Variants in ARHGEF18 observed in about 807,000 individuals in gnomAD.
The protein encoded by ARHGEF18 is rho guanine nucleotide exchange factor 18.
ARHGEF18 carries 93 observed loss-of-function variants against 155.7 expected under a neutral mutation model. The observed-to-expected ratio is 0.60, with a 90% CI of 0.50 to 0.71. The LOEUF (loss-of-function observed/expected upper bound fraction) is 0.71, where lower values mean the gene tolerates loss of function less well. Ranked by LOEUF, ARHGEF18 falls within the 30% of genes least tolerant of loss-of-function variation. ARHGEF18 has a pLI of 0.00. For synonymous variants in ARHGEF18, 742 were observed against 753.1 expected (o/e 0.99, Z 0.24); for missense variants, 1,593 against 1,816.1 (o/e 0.88, Z 2.23).
Position 7,467,356 on chromosome 19 carries a change from A to T in ARHGEF18, c.3152A>T (p.Glu1051Val). The part of the protein sequence containing the change: ...ERQRNFEKQR[E>V]ERAALEKLQS... ...CAACGCAACTTCGAGAAGCAGCGGG[A>T]GGAGCGCGCGGCCCTGGAGAAGCTG... The change falls in exon 26 of 29, where the codon GAG (glutamate) becomes GTG (valine). Residue 1051 changes from glutamate to valine, a missense_variant. Transcript: ENST00000668164. The T allele has an allele frequency of 2.0e-6, 3 of 1,535,858 alleles. No homozygotes were observed. The highest frequency in any genetic ancestry group is 2.6e-6 in the Non-Finnish European group (3 of 1,146,496).
At chr19:7,422,986 T>C (rs1600387945) in intron 10 of ARHGEF18, among the ~76,000 whole-genome samples, 1 of 152,184 alleles carries the variant, frequency 6.6e-6, no homozygotes, top group Admixed American at 6.5e-5. Context: ...CCCAAAGTGC[T>C]GGGATTACAG....
At chr19:7,479,889 G>A in the ARHGEF18 span, among the ~76,000 whole-genome samples, 12 of 152,256 alleles carry the variant, frequency 7.9e-5, no homozygotes, top group African/African-American at 1.9e-4. Flanking sequence ...GCCAGTAGTC[G>A]GGGAGGCTGT....
intron 16 of ARHGEF18, 90 bp downstream of exon 16, chr19:7,451,356 G>T: frequency 1.9e-6 from 2 of 1,040,928 alleles, no homozygotes; most frequent in Non-Finnish European, 2.8e-6. Flanking sequence ...GCAGCAAACT[G>T]AATAAATTCC....
chr19:7,372,339 GT>G (rs1325377184), intron 2 of ARHGEF18, among the ~76,000 whole-genome samples: 3 of 152,106 alleles, frequency 2.0e-5, no homozygotes, highest in Non-Finnish European at 4.4e-5. Context: ...GGGAGAGGAG[GT>G]TTTGCAAGAA....
intron 10 of ARHGEF18, among the ~76,000 whole-genome samples, chr19:7,409,290 A>T: frequency 7.4e-6 from 1 of 134,816 alleles, no homozygotes; most frequent in Admixed American, 8.3e-5. Flanking sequence ...TGATCTCCTG[A>T]CCTTGTGATC....
chr19:7,459,648 G>A (rs762011983), intron 19 of ARHGEF18, among the ~76,000 whole-genome samples: 1 of 152,224 alleles, frequency 6.6e-6, no homozygotes, highest in Non-Finnish European at 1.5e-5. Flanking sequence ...CTGCAAGCCC[G>A]CTGTCCCCTG....
rs868770840 is a variant in ARHGEF18 at position 7,369,354 on chromosome 19, G to A, written c.16-3458G>A. 1.7e-4 allele frequency among the ~76,000 whole-genome samples: 26 copies of A among 152,170 alleles called. No homozygotes were observed. In the Middle Eastern group the frequency reaches 0.014, roughly 80 times the overall value. ...CACATGCCTGTAATCCCAGCTACTC[G>A]GGAGGCTGAGGCAGGAGAATCGCTT... On this transcript the variant is annotated intron_variant, in intron 2 of 28. Transcript: ENST00000668164.
At chr19:7,461,823 A>AT (rs1401017939) in intron 20 of ARHGEF18, among the ~76,000 whole-genome samples, 1 of 151,870 alleles carries the variant, frequency 6.6e-6, no homozygotes, top group Non-Finnish European at 1.5e-5. Context: ...CAACCAGCTA[A>AT]TTTTTTATTT....
chr19:7,363,722 AGATG>A (rs1299520767), intron 2 of ARHGEF18, among the ~76,000 whole-genome samples: 2 of 149,920 alleles, frequency 1.3e-5, no homozygotes, highest in Non-Finnish European at 3.0e-5. Flanking sequence ...GAAGGAAGAA[AGATG>A]GATGGGTGAA....
intron 10 of ARHGEF18, chr19:7,439,884 GT>G (rs373807621): frequency 3.4e-5 from 41 of 1,223,024 alleles, no homozygotes; most frequent in Middle Eastern, 2.9e-4. Context: ...TGGAGGGGTT[GT>G]TTTTTTTTTC....
chr19:7,431,581 C>T (rs1315254760), intron 10 of ARHGEF18, among the ~76,000 whole-genome samples: 5 of 151,152 alleles, frequency 3.3e-5, no homozygotes, highest in Non-Finnish European at 7.4e-5. Context: ...TTTGGGAGTC[C>T]AAGGCGGGTG....
chr19:7,476,591 G>A (rs560730362), downstream of ARHGEF18, among the ~76,000 whole-genome samples: 233 of 152,352 alleles, frequency 1.5e-3, no homozygotes, highest in Middle Eastern at 6.8e-3. Context: ...GTGGCCCTGC[G>A]TCGGCAGCAC....
chr19:7,423,470 C>A (rs994880158), intron 10 of ARHGEF18, among the ~76,000 whole-genome samples: 1 of 152,004 alleles, frequency 6.6e-6, no homozygotes, highest in Non-Finnish European at 1.5e-5. Context: ...GAGGCCGAGG[C>A]GAGCGGATCA....
chr19:7,464,818 G>A, intron 23 of ARHGEF18, 128 bp downstream of exon 23: 2 of 1,297,270 alleles, frequency 1.5e-6, no homozygotes, highest in Non-Finnish European at 2.1e-6. Context: ...GTTTTGTGGT[G>A]AATAACAGTA....
At chr19:7,403,635 G>A (rs565137643) in intron 10 of ARHGEF18, among the ~76,000 whole-genome samples, 16 of 150,634 alleles carry the variant, frequency 1.1e-4, no homozygotes, top group Admixed American at 5.3e-4. Context: ...CGTCCTGGGC[G>A]CAAGCAATCC....
downstream of ARHGEF18, among the ~76,000 whole-genome samples, chr19:7,475,775 T>TA (rs1470852443): frequency 1.3e-5 from 2 of 152,140 alleles, no homozygotes; most frequent in African/African-American, 4.8e-5. Context: ...GCCCCACTGG[T>TA]ATGAGCTAGT....
chr19:7,473,703 G>C (rs557620525), downstream of ARHGEF18, among the ~76,000 whole-genome samples: 2 of 150,986 alleles, frequency 1.3e-5, no homozygotes, highest in South Asian at 4.2e-4. Flanking sequence ...CCAGCTACTC[G>C]GGAGGCTGAA....
intron 13 of ARHGEF18, among the ~76,000 whole-genome samples, chr19:7,442,450 G>T (rs1452620819): frequency 6.6e-6 from 1 of 152,102 alleles, no homozygotes; most frequent in Non-Finnish European, 1.5e-5. Flanking sequence ...GCCCAGGCTG[G>T]TCTCAATCTC....
intron 10 of ARHGEF18, among the ~76,000 whole-genome samples, chr19:7,414,154 C>T (rs1340394071): frequency 1.3e-5 from 2 of 152,090 alleles, no homozygotes; most frequent in African/African-American, 4.8e-5. Context: ...CTGGCCTCCA[C>T]CCACCAGATG....
Sources: gnomAD v4.1 joint callset for allele counts (sites outside exome capture counted in the v4.1 genomes callset) on GRCh38, gnomAD v4.1.1 for gene constraint, MANE v1.5 for transcripts, NCBI Gene and HGNC (gene_info 2026-07-23, HGNC 2026-07-21) for gene names.